The following ARHGAP24 variants were observed in gnomAD, a reference collection of about 807,000 sequenced individuals.
The protein encoded by ARHGAP24 is rho GTPase-activating protein 24.
In ARHGAP24, 50 loss-of-function variants were observed where a neutral mutation model predicts 76.4. The observed-to-expected ratio is 0.65, with a 90% CI of 0.52 to 0.83. ARHGAP24 has a LOEUF of 0.83. ARHGAP24 is among the 40% of genes least tolerant of loss of function. ARHGAP24 has a pLI of 0.00. For missense variants in ARHGAP24, 930 were observed against 914.2 expected (o/e 1.02, Z -0.22); for synonymous variants, 345 against 323.3 (o/e 1.07, Z -0.72).
chr4:85,541,547 T>C (rs949667723), intron 1 of ARHGAP24, among the ~76,000 whole-genome samples: 12 of 152,204 alleles, frequency 7.9e-5, no homozygotes, highest in African/African-American at 2.9e-4. Context: ...CTAGCGTCTT[T>C]AGCTTAACAT....
At chr4:85,994,423 T>C (rs1035508605) in intron 8 of ARHGAP24, among the ~76,000 whole-genome samples, 160 bp from the exon 9 acceptor site, 1 of 152,226 alleles carries the variant, frequency 6.6e-6, no homozygotes, top group Non-Finnish European at 1.5e-5. Flanking sequence ...ATGCTCAAGA[T>C]GTTTTAGCTT....
At chr4:85,618,035 G>T (rs1720597092) in intron 2 of ARHGAP24, among the ~76,000 whole-genome samples, 1 of 152,120 alleles carries the variant, frequency 6.6e-6, no homozygotes. Flanking sequence ...CAAATTTCAA[G>T]TGTGTAATAC....
chr4:85,561,563 A>G (rs1319970297), intron 1 of ARHGAP24, among the ~76,000 whole-genome samples: 1 of 152,196 alleles, frequency 6.6e-6, no homozygotes, highest in Non-Finnish European at 1.5e-5. Flanking sequence ...AGATCTAATT[A>G]TTTAAATATT....
intron 2 of ARHGAP24, among the ~76,000 whole-genome samples, chr4:85,617,616 T>C (rs1435871383): frequency 1.3e-5 from 2 of 152,194 alleles, no homozygotes; most frequent in African/African-American, 4.8e-5. Context: ...CTTCTGTTAC[T>C]ATTTGATTAG....
At chr4:85,526,702 T>A (rs1287196829) in intron 1 of ARHGAP24, among the ~76,000 whole-genome samples, 5 of 152,106 alleles carry the variant, frequency 3.3e-5, no homozygotes, top group African/African-American at 1.2e-4. Flanking sequence ...GGAGATTGCT[T>A]TAGTTAGCCA....
At chr4:85,916,925 A>C (rs1735438194) in intron 3 of ARHGAP24, among the ~76,000 whole-genome samples, 1 of 152,056 alleles carries the variant, frequency 6.6e-6, no homozygotes, top group Non-Finnish European at 1.5e-5. Context: ...TTTTATTATT[A>C]TTATACTTTA....
chr4:85,973,673 A>G (rs927802029), intron 6 of ARHGAP24, among the ~76,000 whole-genome samples: 13 of 152,122 alleles, frequency 8.5e-5, no homozygotes, highest in African/African-American at 2.9e-4. Context: ...ATTTAGAACT[A>G]TGATTCACTT....
chr4:85,875,516 T>TTATATTATATATAATATATATTATAATA (rs1732856170), intron 3 of ARHGAP24, among the ~76,000 whole-genome samples: 1 of 95,664 alleles, frequency 1.0e-5, no homozygotes, highest in African/African-American at 4.4e-5. Context: ...TATTATAATA[T>TTATATTATATATAATATATATTATAATA]TATATTGTAT....
chr4:85,806,496 G>C (rs1436023719), intron 3 of ARHGAP24, among the ~76,000 whole-genome samples: 1 of 152,128 alleles, frequency 6.6e-6, no homozygotes, highest in Non-Finnish European at 1.5e-5. Context: ...TTTGAGAGAA[G>C]GCTTTAGAAA....
chr4:85,826,965 G>T (rs532688587), intron 3 of ARHGAP24, among the ~76,000 whole-genome samples: 9 of 152,290 alleles, frequency 5.9e-5, no homozygotes, highest in Non-Finnish European at 1.2e-4. Context: ...ATTAAAAATT[G>T]TTCCTTCTCC....
At chr4:85,601,070 T>C (rs1192060352) in intron 2 of ARHGAP24, among the ~76,000 whole-genome samples, 1 of 152,200 alleles carries the variant, frequency 6.6e-6, no homozygotes, top group Non-Finnish European at 1.5e-5. Context: ...ATTTTTACTT[T>C]ATTCATTTTT....
chr4:85,667,509 C>A (rs1322542178), intron 2 of ARHGAP24, among the ~76,000 whole-genome samples: 1 of 152,158 alleles, frequency 6.6e-6, no homozygotes, highest in African/African-American at 2.4e-5. Context: ...CACCCACTGT[C>A]CTGCACCCAC....
intron 2 of ARHGAP24, among the ~76,000 whole-genome samples, chr4:85,639,106 T>C (rs1203311475): frequency 6.6e-6 from 1 of 152,162 alleles, no homozygotes; most frequent in African/African-American, 2.4e-5. Context: ...TCTTGTTTCT[T>C]ATTCCCCAAA....
intron 2 of ARHGAP24, among the ~76,000 whole-genome samples, chr4:85,650,836 C>T (rs1292947386): frequency 6.7e-6 from 1 of 149,340 alleles, no homozygotes; most frequent in Non-Finnish European, 1.5e-5. Flanking sequence ...TAAAGGAGGT[C>T]ATTTCTGCTA....
intron 3 of ARHGAP24, among the ~76,000 whole-genome samples, chr4:85,863,015 G>A (rs345353): frequency 2.0e-5 from 3 of 151,776 alleles, no homozygotes; most frequent in African/African-American, 4.8e-5. Flanking sequence ...AATCAGATCC[G>A]GTTCCTCCCC....
intron 2 of ARHGAP24, among the ~76,000 whole-genome samples, chr4:85,647,933 C>G (rs1031975382): frequency 7.9e-5 from 12 of 152,096 alleles, no homozygotes; most frequent in African/African-American, 2.9e-4. Context: ...AGAATGTAAG[C>G]TTTATGTGGG....
At chr4:85,986,235 G>C (rs1315255586) in intron 8 of ARHGAP24, among the ~76,000 whole-genome samples, 1 of 151,832 alleles carries the variant, frequency 6.6e-6, no homozygotes, top group Non-Finnish European at 1.5e-5. Flanking sequence ...TGCTATATAA[G>C]CATATCCATA....
chr4:85,664,611 T>C (rs1289262967), intron 2 of ARHGAP24, among the ~76,000 whole-genome samples: 2 of 150,790 alleles, frequency 1.3e-5, no homozygotes, highest in Non-Finnish European at 2.9e-5. Context: ...TGTTAGGGTG[T>C]CAATTTTGGA....
At chr4:85,962,745 C>G (rs965730289) in intron 5 of ARHGAP24, among the ~76,000 whole-genome samples, 2 of 151,294 alleles carry the variant, frequency 1.3e-5, no homozygotes, top group African/African-American at 4.9e-5. Flanking sequence ...TTCATTATGA[C>G]TCCCAATCTA....
Sources: allele counts gnomAD v4.1 joint callset (sites outside exome capture counted in the v4.1 genomes callset), GRCh38; gene constraint gnomAD v4.1.1; transcripts MANE v1.5; gene names NCBI Gene and HGNC (gene_info 2026-07-23, HGNC 2026-07-21).